MDFIC: variants seen among roughly 807,000 people sequenced by gnomAD.
MDFIC encodes myoD family inhibitor domain-containing protein.
MDFIC carries 17 observed loss-of-function variants against 23.2 expected under a neutral mutation model. That is an observed-to-expected ratio of 0.73 (90% CI 0.50 to 1.10). The LOEUF (loss-of-function observed/expected upper bound fraction) is 1.10, where lower values mean the gene tolerates loss of function less well. MDFIC is among the 50% of genes least tolerant of loss of function. The pLI is 0.00. For missense variants in MDFIC, 356 were observed against 316.6 expected, an observed-to-expected ratio of 1.12 and a Z score of -0.95; for synonymous variants, 120 against 115.2, an observed-to-expected ratio of 1.04 and a Z score of -0.27.
Position 115,018,747 on chromosome 7 carries a change from A to G in MDFIC, c.*2812A>G, listed in dbSNP as rs961868935. ...ACTATTTTGAAAATTTTTAAAAATGACTTCTTTATTTTGCTTTACCGTATG... is the reference window on the plus strand; with the variant it reads ...ACTATTTTGAAAATTTTTAAAAATGGCTTCTTTATTTTGCTTTACCGTATG... On this transcript the variant is annotated 3_prime_UTR_variant, in exon 5 of 5. Transcript: ENST00000393486. The G allele has an allele frequency of 7.2e-5, 11 of 152,322 alleles. No individual in the cohort carries two copies. Among genetic ancestry groups the G allele is most frequent in the African/African-American group, 2.7e-4 (11 of 41,430 alleles). The allele number at this position is 152,322 out of a possible 1,614,324, so 9.4% of individuals were successfully genotyped here.
At chr7:114,966,451 C>T (rs912372757) in intron 3 of MDFIC, among the ~76,000 whole-genome samples, 1 of 149,298 alleles carries the variant, frequency 6.7e-6, no homozygotes, top group African/African-American at 2.5e-5. Flanking sequence ...TGGGAGATGT[C>T]ATTTTATATG....
chr7:114,975,355 A>C (rs796264589), intron 3 of MDFIC, among the ~76,000 whole-genome samples: 1 of 152,110 alleles, frequency 6.6e-6, no homozygotes, highest in Non-Finnish European at 1.5e-5. Flanking sequence ...ATAGCAGTGC[A>C]CTCCCAATAG....
chr7:114,925,083 C>T lies in MDFIC; in HGVS notation c.94+1956C>T, dbSNP rs994731264. Among the ~76,000 whole-genome samples the T allele has an allele frequency of 1.1e-4, 17 of 151,982 alleles. 1 individual carries two copies. In the South Asian group the frequency reaches 3.3e-3, roughly 30 times the overall value. ...TTAACAGAAACCTAATTTTTAAATT[C>T]TTTATATTAAAGTCAGTAAGAAAAG... On this transcript the variant is annotated intron_variant, in intron 2 of 4. Coordinates refer to ENST00000393486, the MANE Select transcript of MDFIC (RefSeq NM_001166345.3).
At chr7:115,008,652 C>CGTA (rs1373521813) in intron 4 of MDFIC, among the ~76,000 whole-genome samples, 1 of 152,044 alleles carries the variant, frequency 6.6e-6, no homozygotes, top group Non-Finnish European at 1.5e-5. Context: ...GCTGAGCTAC[C>CGTA]GTGTGGTATT....
At chr7:114,944,844 C>T (rs965558909) in intron 3 of MDFIC, among the ~76,000 whole-genome samples, 1 of 152,150 alleles carries the variant, frequency 6.6e-6, no homozygotes, top group Non-Finnish European at 1.5e-5. Context: ...GAGTCAGGCC[C>T]GAGCTGGCTC....
chr7:114,975,625 A>G (rs1477959198), intron 3 of MDFIC, among the ~76,000 whole-genome samples: 1 of 151,986 alleles, frequency 6.6e-6, no homozygotes, highest in South Asian at 2.1e-4. Context: ...GTTTAAAGCC[A>G]AGTTGTTGTG....
intron 4 of MDFIC, among the ~76,000 whole-genome samples, chr7:114,983,058 G>A (rs1793445108): frequency 6.6e-6 from 1 of 152,176 alleles, no homozygotes; most frequent in Non-Finnish European, 1.5e-5. Context: ...TCTGAGTTTT[G>A]TAGAGGTGAC....
chr7:115,016,736 A>G lies in MDFIC; in HGVS notation c.*801A>G, dbSNP rs1272556431. On this transcript the variant is annotated 3_prime_UTR_variant, in exon 5 of 5. Coordinates refer to ENST00000393486, the MANE Select transcript of MDFIC (RefSeq NM_001166345.3). ...GAAACTTTAGGAAACAAACCCACAT[A>G]ATAGTTGGGAACCAGTGTTGATCTC... 6.5e-6 allele frequency: 1 copy of G among 153,278 alleles called. No homozygotes were observed. The highest frequency in any genetic ancestry group is 2.4e-5 in the African/African-American group (1 of 41,462). 9.5% of individuals were successfully genotyped at this position (153,278 alleles called of 1,614,324 possible).
Position 115,017,359 on chromosome 7 carries a change from T to C in MDFIC, c.*1424T>C, listed in dbSNP as rs1194895582. The C allele has an allele frequency of 6.6e-6, 1 of 152,180 alleles. No homozygotes were observed. The highest frequency in any genetic ancestry group is 2.4e-5 in the African/African-American group (1 of 41,456). The allele number at this position is 152,180 out of a possible 1,614,324, so 9.4% of individuals were successfully genotyped here. ...CATTTAAATTAGGAAATTTTTAATA[T>C]TAAAATCCCAGTGTTCTGAGTTATT... On this transcript the variant is annotated 3_prime_UTR_variant, in exon 5 of 5. Coordinates refer to ENST00000393486, the MANE Select transcript of MDFIC (RefSeq NM_001166345.3).
chr7:114,982,898 G>A (rs769872046), intron 4 of MDFIC, among the ~76,000 whole-genome samples: 5 of 152,222 alleles, frequency 3.3e-5, no homozygotes, highest in East Asian at 1.9e-4. Flanking sequence ...CTCACATGGC[G>A]GAAAGCAGAA....
chr7:114,969,823 C>T (rs1346377198), intron 3 of MDFIC, among the ~76,000 whole-genome samples: 3 of 152,152 alleles, frequency 2.0e-5, no homozygotes, highest in African/African-American at 7.2e-5. Flanking sequence ...AAAGTAACAT[C>T]CAGATGAAGC....
intron 4 of MDFIC, among the ~76,000 whole-genome samples, chr7:115,015,328 G>A (rs1007089881): frequency 4.6e-5 from 7 of 152,168 alleles, no homozygotes; most frequent in Admixed American, 4.6e-4. Context: ...TAATGCAGTT[G>A]TTTTAGCCCA....
intron 3 of MDFIC, among the ~76,000 whole-genome samples, chr7:114,944,424 T>C (rs1585096974): frequency 6.6e-6 from 1 of 152,236 alleles, no homozygotes; most frequent in East Asian, 1.9e-4. Context: ...TTTGTTATTT[T>C]CCCAGTCACA....
chr7:114,932,494 T>G (rs553967076), intron 2 of MDFIC, among the ~76,000 whole-genome samples: 1 of 152,158 alleles, frequency 6.6e-6, no homozygotes, highest in East Asian at 1.9e-4. Context: ...AGAAGAAAAG[T>G]GGTGATGAAT....
At chr7:114,974,773 T>G (rs1409145591) in intron 3 of MDFIC, among the ~76,000 whole-genome samples, 1 of 152,140 alleles carries the variant, frequency 6.6e-6, no homozygotes, top group Non-Finnish European at 1.5e-5. Flanking sequence ...TATTTATTAT[T>G]CTTATTGAAA....
At chr7:114,973,220 A>G (rs12538651) in intron 3 of MDFIC, among the ~76,000 whole-genome samples, 14,345 of 151,944 alleles carry the variant, frequency 0.094, 1,159 homozygotes, top group East Asian at 0.37. Flanking sequence ...CATTAATTCT[A>G]TAGTTTAAAT....
Position 114,922,655 on chromosome 7 carries a change from G to A in MDFIC, c.-108+19G>A, listed in dbSNP as rs1792107295. Reference sequence around the variant, plus strand: ...TGCGGAGGTAGGTAGTGGTCTCCGGGCGGGGAAGAGGAGGGGTTTGATCCC... The same window carrying A: ...TGCGGAGGTAGGTAGTGGTCTCCGGACGGGGAAGAGGAGGGGTTTGATCCC... On this transcript the variant is annotated intron_variant, in intron 1 of 4. Coordinates refer to ENST00000393486, the MANE Select transcript of MDFIC (RefSeq NM_001166345.3). The A allele has an allele frequency of 7.6e-7, 1 of 1,310,822 alleles. No individual in the cohort carries two copies. The highest frequency in any genetic ancestry group is 9.7e-7 in the Non-Finnish European group (1 of 1,025,852). 81.2% of individuals were successfully genotyped at this position (1,310,822 alleles called of 1,614,324 possible).
At chr7:114,975,868 T>C (rs1182235500) in intron 3 of MDFIC, among the ~76,000 whole-genome samples, 1 of 152,126 alleles carries the variant, frequency 6.6e-6, no homozygotes, top group Non-Finnish European at 1.5e-5. Flanking sequence ...TATTTTAATG[T>C]TAAAAAAACT....
intron 2 of MDFIC, chr7:114,923,709 C>T: frequency 2.3e-6 from 3 of 1,312,858 alleles, no homozygotes; most frequent in Non-Finnish European, 3.0e-6. Flanking sequence ...TGTAAACACA[C>T]ACAGCCTATA....
Sources: allele counts gnomAD v4.1 joint callset (sites outside exome capture counted in the v4.1 genomes callset), GRCh38; gene constraint gnomAD v4.1.1; transcripts MANE v1.5; gene names NCBI Gene and HGNC (gene_info 2026-07-23, HGNC 2026-07-21).